Variants in TMC1 observed in about 807,000 individuals in gnomAD.
TMC1 encodes the protein transmembrane channel like 1, also known as transmembrane channel-like protein 1.
In TMC1, 84 loss-of-function variants were observed where a neutral mutation model predicts 105.8. That is an observed-to-expected ratio of 0.79 (90% confidence interval 0.67 to 0.95). The LOEUF is 0.95. Ranked by LOEUF, TMC1 falls within the 40% of genes least tolerant of loss-of-function variation. The pLI is 0.00. For synonymous variants in TMC1, 315 were observed against 311.5 expected, an observed-to-expected ratio of 1.01 and a Z score of -0.12; for missense variants, 817 against 914.1, an observed-to-expected ratio of 0.89 and a Z score of 1.37.
At chr9:72,610,771 G>T (rs1825012585) in intron 2 of TMC1, among the ~76,000 whole-genome samples, 4 of 152,352 alleles carry the variant, frequency 2.6e-5, no homozygotes, top group Middle Eastern at 6.8e-3. Flanking sequence ...ACTAAAGCCT[G>T]TAGATGAATA....
intron 5 of TMC1, among the ~76,000 whole-genome samples, chr9:72,685,264 A>G (rs1796982): frequency 0.39 from 57,135 of 147,272 alleles, 11,765 homozygotes; most frequent in African/African-American, 0.56. Flanking sequence ...CCACCACCAC[A>G]CCCGGATAAT....
At position 72,809,955 on chromosome 9, in the gene TMC1, G is replaced by A. The variant is rs545948839; in HGVS notation, c.1695+4445G>A. On this transcript the variant is annotated intron_variant, in intron 18 of 23. Coordinates refer to ENST00000297784, the MANE Select transcript of TMC1 (RefSeq NM_138691.3). ...AAAGTGTGTGTGTGTTTGTGTGTGT[G>A]TGTGAGAGAGAGAGAGACAGGCGTG... Among the ~76,000 whole-genome samples, 71 of 150,922 alleles carry A rather than the reference G, an allele frequency of 4.7e-4. 2 individuals are homozygous for A. The highest frequency in any genetic ancestry group is 1.5e-3 in the South Asian group (7 of 4,792).
intron 18 of TMC1, among the ~76,000 whole-genome samples, chr9:72,815,086 C>T (rs1472831162): frequency 6.6e-6 from 1 of 152,074 alleles, no homozygotes; most frequent in East Asian, 1.9e-4. Context: ...GTATTTACTG[C>T]ATTCTTATTC....
chr9:72,657,331 A>G (rs937720971), intron 5 of TMC1, among the ~76,000 whole-genome samples: 4 of 152,214 alleles, frequency 2.6e-5, no homozygotes, highest in Non-Finnish European at 5.9e-5. Context: ...GTAATTGCCT[A>G]TTGAACAATG....
intron 1 of TMC1, among the ~76,000 whole-genome samples, chr9:72,577,158 T>C (rs1824396083): frequency 1.3e-5 from 2 of 152,242 alleles, no homozygotes; most frequent in African/African-American, 4.8e-5. Context: ...CAAAATTCTT[T>C]TCTTAATAAA....
chr9:72,816,670 C>T (rs1408687082), intron 19 of TMC1, among the ~76,000 whole-genome samples: 3 of 151,992 alleles, frequency 2.0e-5, no homozygotes, highest in East Asian at 3.9e-4. Flanking sequence ...AATAGTTTAT[C>T]GAGATGAAAC....
intron 13 of TMC1, among the ~76,000 whole-genome samples, chr9:72,774,500 ACT>A (rs1337336816): frequency 1.3e-5 from 2 of 152,228 alleles, no homozygotes; most frequent in African/African-American, 2.4e-5. Context: ...CTGGTGGAAC[ACT>A]CTGTTGGGTA....
At chr9:72,784,497 G>A (rs1475553141) in intron 13 of TMC1, among the ~76,000 whole-genome samples, 1 of 152,204 alleles carries the variant, frequency 6.6e-6, no homozygotes, top group Non-Finnish European at 1.5e-5. Flanking sequence ...TGGTGGGAAT[G>A]TAAATTAGTT....
At chr9:72,592,634 T>A (rs1824656966) in intron 2 of TMC1, among the ~76,000 whole-genome samples, 1 of 152,182 alleles carries the variant, frequency 6.6e-6, no homozygotes. Flanking sequence ...ATCAAAGCCA[T>A]GGTTATGTAT....
chr9:72,626,366 TTGGAGATG>T (rs1825347133), intron 3 of TMC1, among the ~76,000 whole-genome samples: 2 of 152,166 alleles, frequency 1.3e-5, no homozygotes, highest in South Asian at 4.1e-4. Context: ...AAGATCTGGC[TTGGAGATG>T]TGGATCAGGA....
At chr9:72,615,070 A>G (rs967250566) in intron 2 of TMC1, among the ~76,000 whole-genome samples, 2 of 152,188 alleles carry the variant, frequency 1.3e-5, no homozygotes, top group Non-Finnish European at 2.9e-5. Context: ...GTATAATTGA[A>G]ATATTAAACC....
At chr9:72,590,082 G>A (rs1824612816) in intron 2 of TMC1, among the ~76,000 whole-genome samples, 3 of 152,114 alleles carry the variant, frequency 2.0e-5, no homozygotes, top group Admixed American at 2.0e-4. Context: ...CATTCCATCT[G>A]CCTCCTGATT....
chr9:72,754,716 A>G, intron 11 of TMC1, 70 bp from the exon 12 acceptor site: 1 of 1,249,110 alleles, frequency 8.0e-7, no homozygotes, highest in East Asian at 2.3e-5. Flanking sequence ...AAACAAAACC[A>G]TTTGTGATCA....
intron 18 of TMC1, 22 bp downstream of exon 18, chr9:72,805,532 C>CA (rs765663526): frequency 5.3e-6 from 7 of 1,326,676 alleles, no homozygotes; most frequent in Non-Finnish European, 7.1e-6. Flanking sequence ...GTTAATTTTG[C>CA]TTTTTTTTTT....
intron 3 of TMC1, among the ~76,000 whole-genome samples, chr9:72,626,256 T>C (rs1165277701): frequency 6.6e-6 from 1 of 152,170 alleles, no homozygotes; most frequent in African/African-American, 2.4e-5. Flanking sequence ...ATGGTTATCA[T>C]TGATTGAAGT....
At chr9:72,822,656 C>T (rs1251076415) in intron 20 of TMC1, among the ~76,000 whole-genome samples, 2 of 151,906 alleles carry the variant, frequency 1.3e-5, no homozygotes, top group Non-Finnish European at 1.5e-5. Flanking sequence ...CAATAAATTC[C>T]GAACCAATCT....
At chr9:72,755,316 G>T (rs759675456) in intron 12 of TMC1, among the ~76,000 whole-genome samples, 2 of 152,144 alleles carry the variant, frequency 1.3e-5, no homozygotes, top group Non-Finnish European at 2.9e-5. Context: ...GGAAAATCTT[G>T]TTGGATTCCT....
chr9:72,715,972 A>C (rs991652741), intron 8 of TMC1, among the ~76,000 whole-genome samples: 1 of 151,946 alleles, frequency 6.6e-6, no homozygotes, highest in African/African-American at 2.4e-5. Context: ...TGATGTTGAT[A>C]CTATTCCTTT....
intron 3 of TMC1, among the ~76,000 whole-genome samples, chr9:72,618,287 T>G (rs1223172022): frequency 6.6e-6 from 1 of 152,100 alleles, no homozygotes; most frequent in Non-Finnish European, 1.5e-5. Flanking sequence ...CCTCCCAAAG[T>G]GCTGGGATTA....
Sources: gnomAD v4.1 joint callset for allele counts (sites outside exome capture counted in the v4.1 genomes callset) on GRCh38, gnomAD v4.1.1 for gene constraint, MANE v1.5 for transcripts, NCBI Gene and HGNC (gene_info 2026-07-23, HGNC 2026-07-21) for gene names.